The following NCAPD3 variants were observed in gnomAD, a reference collection of about 807,000 sequenced individuals.
NCAPD3 encodes the protein non-SMC condensin II complex subunit D3, also known as condensin-2 complex subunit D3.
Under a neutral mutation model 182.9 loss-of-function variants are expected in NCAPD3, and 105 were observed. The ratio of observed to expected loss-of-function variants is 0.57; its 90% CI spans 0.49 to 0.68. The LOEUF is 0.68. Ranked by LOEUF, NCAPD3 falls within the 30% of genes least tolerant of loss-of-function variation. NCAPD3 has a pLI of 0.00. For synonymous variants in NCAPD3, 815 were observed against 679.9 expected (o/e 1.20, Z -3.09); for missense variants, 1,944 against 1,837.0 (o/e 1.06, Z -1.07).
chr11:134,221,598 A>G (rs1396030631), intron 1 of NCAPD3, among the ~76,000 whole-genome samples: 2 of 152,114 alleles, frequency 1.3e-5, no homozygotes, highest in Non-Finnish European at 2.9e-5. Flanking sequence ...ACTTTCCCAA[A>G]CTAAAATTAG....
At position 134,206,517 on chromosome 11, in the gene NCAPD3, A is replaced by G. The variant is rs896586112; in HGVS notation, c.1016+82T>C. On this transcript the variant is annotated intron_variant, in intron 8 of 34. Transcript: ENST00000534548. ...CCATCAGGCCAGAAATTTTAAGTCT[A>G]CATGTATCAGAAATCTTAGTGCAGG... is the stretch of plus-strand genomic sequence containing the variant. 6 of 1,549,814 alleles carry G rather than the reference A, an allele frequency of 3.9e-6. No individual in the cohort carries two copies. In the African/African-American group the frequency reaches 6.9e-5, roughly 18 times the overall value.
At position 134,203,151 on chromosome 11, in the gene NCAPD3, T is replaced by G. The variant is rs745948822; in HGVS notation, c.1516A>C (p.Asn506His). The G allele has an allele frequency of 1.3e-6, 2 of 1,589,980 alleles. No individual in the cohort carries two copies. ...TGTATTGATCCATTACCTGATGAAT[T>G]TCTCAGTAAGGTACCAGGGTGACTC... ...IESHPGTLLR[N>H]SSAFSYQRQT... The change falls in exon 12 of 35, where the codon AAT becomes CAT. Residue 506 changes from asparagine to histidine, a missense_variant. Asn to His is a moderately conservative substitution (Grantham distance 68, BLOSUM62 1). Transcript: ENST00000534548.
chr11:134,158,150 C>T (rs2120528441), intron 30 of NCAPD3, 83 bp from the exon 31 acceptor site: 1 of 1,545,450 alleles, frequency 6.5e-7, no homozygotes, highest in Non-Finnish European at 8.8e-7. Context: ...CCCCGCGTGC[C>T]TCCTCACCGG....
intron 3 of NCAPD3, among the ~76,000 whole-genome samples, chr11:134,215,968 T>G (rs1938008132): frequency 6.6e-6 from 1 of 152,218 alleles, no homozygotes; most frequent in Non-Finnish European, 1.5e-5. Context: ...AAGCTGCAAG[T>G]GGCCCACGCA....
chr11:134,158,613 G>A (rs976736567), intron 29 of NCAPD3, 118 bp from the exon 30 acceptor site: 17 of 1,086,816 alleles, frequency 1.6e-5, no homozygotes, highest in East Asian at 7.4e-5. Flanking sequence ...TGTGGACAAC[G>A]TAATGATCAA....
chr11:134,206,837 G>A (rs1462161405), intron 7 of NCAPD3, 105 bp from the exon 8 acceptor site: 2 of 1,228,338 alleles, frequency 1.6e-6, no homozygotes, highest in Non-Finnish European at 2.2e-6. Flanking sequence ...TCTGAAGGTA[G>A]GTCAGGCTGG....
At chr11:134,192,474 C>T (rs537769457) in intron 16 of NCAPD3, among the ~76,000 whole-genome samples, 24 of 152,232 alleles carry the variant, frequency 1.6e-4, no homozygotes, top group African/African-American at 5.8e-4. Flanking sequence ...CAGACAGATG[C>T]AAAGGAAGTG....
chr11:134,203,265 G>C (rs1485554977), intron 11 of NCAPD3, 67 bp from the exon 12 acceptor site: 1 of 1,144,116 alleles, frequency 8.7e-7, no homozygotes, highest in Non-Finnish European at 1.3e-6. Flanking sequence ...ATCCACGGAG[G>C]AATCAAAATC....
chr11:134,181,030 G>T (rs1351197794), intron 20 of NCAPD3, 47 bp downstream of exon 20: 10 of 1,401,610 alleles, frequency 7.1e-6, no homozygotes, highest in Non-Finnish European at 1.0e-5. Flanking sequence ...AGAACCTCAC[G>T]GATAAAATGG....
At chr11:134,194,625 T>C in intron 14 of NCAPD3, 40 bp downstream of exon 14, 2 of 1,441,270 alleles carry the variant, frequency 1.4e-6, no homozygotes, top group Non-Finnish European at 9.5e-7. Context: ...TTCCAAGTTT[T>C]TAGTGCTTAA....
At chr11:134,180,971 C>CT in intron 20 of NCAPD3, 106 bp downstream of exon 20, 1 of 754,152 alleles carries the variant, frequency 1.3e-6, no homozygotes, top group Non-Finnish European at 2.2e-6. Flanking sequence ...GCTAAGACAG[C>CT]TCTTTTGTTA....
intron 16 of NCAPD3, among the ~76,000 whole-genome samples, chr11:134,186,881 C>T (rs1248351772): frequency 1.3e-5 from 2 of 152,108 alleles, no homozygotes; most frequent in African/African-American, 4.8e-5. Flanking sequence ...CTACAGTTAG[C>T]TTACAACATG....
chr11:134,179,306 T>TC (rs1239243100), intron 20 of NCAPD3, among the ~76,000 whole-genome samples: 1 of 152,234 alleles, frequency 6.6e-6, no homozygotes, highest in East Asian at 1.9e-4. Flanking sequence ...TATAACTTTT[T>TC]CAAAGTATTT....
At chr11:134,155,070 T>G (rs1943382033) in intron 32 of NCAPD3, among the ~76,000 whole-genome samples, 1 of 152,172 alleles carries the variant, frequency 6.6e-6, no homozygotes, top group African/African-American at 2.4e-5. Context: ...ACGTCCCCCA[T>G]GCACTGTGCG....
chr11:134,153,591 C>CG, intron 32 of NCAPD3: 1 of 574,088 alleles, frequency 1.7e-6, no homozygotes, highest in Non-Finnish European at 3.1e-6. Context: ...CTCAGGCACT[C>CG]GGCTGGCCCC....
Position 134,206,612 on chromosome 11 carries a change from C to T in NCAPD3, c.1003G>A (p.Val335Ile). 6.2e-7 allele frequency: 1 copy of T among 1,613,148 alleles called. No homozygotes were observed. Among genetic ancestry groups the T allele is most frequent in the Non-Finnish European group, 8.5e-7 (1 of 1,179,666 alleles). ...SQVINCRNQA[V>I]QFISALVDEL... ...TGTGTGCTTCACCTGATAAACTGGA[C>T]CGCCTGGTTTCTACAGTTGATGACT... is the stretch of plus-strand genomic sequence containing the variant. Residue 335 changes from valine to isoleucine, a missense_variant, in exon 8 of 35, where the codon GTC (valine) becomes ATC (isoleucine). By Grantham distance (29) the Val-to-Ile change is conservative. This residue lies in a region of NCAPD3 where 1,803 missense variants were observed against 1,674.6 expected (regional missense o/e 1.08). Transcript: ENST00000534548.
intron 2 of NCAPD3, among the ~76,000 whole-genome samples, chr11:134,218,098 CAA>C (rs1383290956): frequency 6.5e-5 from 3 of 45,948 alleles, no homozygotes. Flanking sequence ...ACCCTGGTCT[CAA>C]AAAAAAAAAA....
upstream of NCAPD3, chr11:134,225,082 G>C: frequency 1.9e-6 from 3 of 1,546,776 alleles, no homozygotes; most frequent in Non-Finnish European, 2.6e-6. Context: ...CCCGGTGCGA[G>C]GGAGCGGTCC....
chr11:134,173,981 CA>C (rs536307793), intron 24 of NCAPD3, among the ~76,000 whole-genome samples: 1 of 150,038 alleles, frequency 6.7e-6, no homozygotes, highest in African/African-American at 2.5e-5. Flanking sequence ...AGAAAACAAA[CA>C]AAAAAACAAA....
Sources: allele counts gnomAD v4.1 joint callset (sites outside exome capture counted in the v4.1 genomes callset), GRCh38; gene constraint gnomAD v4.1.1; regional missense constraint gnomAD v4.1.1; transcripts MANE v1.5; gene names NCBI Gene and HGNC (gene_info 2026-07-23, HGNC 2026-07-21).